HYAL4: variants seen among roughly 807,000 people sequenced by gnomAD.
HYAL4 encodes the protein hyaluronidase-4.
A neutral mutation model predicts 35.2 loss-of-function variants in HYAL4; 37 were observed. The observed-to-expected ratio is 1.05, with a 90% CI of 0.81 to 1.38. The LOEUF is 1.38. Among genes scored for constraint, HYAL4 ranks in the 40% most tolerant of loss-of-function variants. The pLI is 0.00. For synonymous variants in HYAL4, 198 were observed against 203.2 expected, an observed-to-expected ratio of 0.97 and a Z score of 0.22; for missense variants, 572 against 572.4, an observed-to-expected ratio of 1.00 and a Z score of 0.01.
the HYAL4 span, chr7:123,819,266 T>C: frequency 2.0e-5 from 3 of 152,590 alleles, no homozygotes; most frequent in African/African-American, 4.8e-5. Flanking sequence ...AGTTGAGGGA[T>C]TGAGTCTTAT....
chr7:123,822,029 A>C, the HYAL4 span, among the ~76,000 whole-genome samples: 1 of 152,244 alleles, frequency 6.6e-6, no homozygotes, highest in African/African-American at 2.4e-5. Flanking sequence ...CCAGAAACAT[A>C]GTGTTTTAAT....
At chr7:123,827,948 C>T (rs1227302084), upstream of HYAL4, among the ~76,000 whole-genome samples, 5 of 152,150 alleles carry the variant, frequency 3.3e-5, no homozygotes, top group Admixed American at 6.6e-5. Context: ...CTGTATGGAT[C>T]AAGGCAGACA....
intron 3 of HYAL4, 43 bp downstream of exon 3, chr7:123,869,270 C>T (rs774915505): frequency 8.8e-6 from 11 of 1,250,054 alleles, no homozygotes; most frequent in Non-Finnish European, 1.2e-5. Flanking sequence ...TCCTCCTTAT[C>T]TCTAAAAGGA....
chr7:123,767,391 T>A, the HYAL4 span, among the ~76,000 whole-genome samples: 6 of 152,176 alleles, frequency 3.9e-5, no homozygotes, highest in African/African-American at 1.4e-4. Context: ...AAGATAGACC[T>A]CTTCAGGCTT....
the HYAL4 span, among the ~76,000 whole-genome samples, chr7:123,810,138 C>G: frequency 6.6e-6 from 1 of 152,180 alleles, no homozygotes; most frequent in South Asian, 2.1e-4. Context: ...TTGCCAAGTG[C>G]TTTTCCCCAA....
chr7:123,847,516 G>T (rs890010025), intron 1 of HYAL4, among the ~76,000 whole-genome samples: 1 of 152,000 alleles, frequency 6.6e-6, no homozygotes. Flanking sequence ...GGTGGTTTAC[G>T]CCTGTAATCC....
intron 3 of HYAL4, among the ~76,000 whole-genome samples, chr7:123,869,669 A>G (rs1563004362): frequency 6.7e-6 from 1 of 150,204 alleles, no homozygotes; most frequent in African/African-American, 2.4e-5. Flanking sequence ...AGTAGTGGGT[A>G]TTTTAATCTT....
the HYAL4 span, among the ~76,000 whole-genome samples, chr7:123,807,937 T>TTATTAC: frequency 6.8e-6 from 1 of 146,604 alleles, no homozygotes; most frequent in African/African-American, 2.5e-5. Flanking sequence ...ATTATTATTA[T>TTATTAC]TATTATTATT....
rs1807047028 is a variant in HYAL4, at chr7:123,877,051, G to A, written c.1342G>A (p.Glu448Lys). 1 of 1,614,212 alleles carries A rather than the reference G, an allele frequency of 6.2e-7. No homozygotes were observed. The highest frequency in any genetic ancestry group is 2.2e-5 in the East Asian group (1 of 44,890). ...GGGATATGAAGGAGCTGATTGCAGA[G>A]AAATAAAGACGGCTGATGGCTGCTC... ...YQGYEGADCREIKTADGCSGV... is the reference protein window; with the variant it reads ...YQGYEGADCRKIKTADGCSGV... The change falls in exon 5 of 5, where the codon GAA (glutamate) becomes AAA (lysine). Residue 448 changes from glutamate (E) to lysine (K), a missense_variant. Transcript: ENST00000223026.
the HYAL4 span, among the ~76,000 whole-genome samples, chr7:123,815,453 G>A: frequency 1.3e-5 from 2 of 152,204 alleles, no homozygotes; most frequent in Non-Finnish European, 2.9e-5. Flanking sequence ...TCATTATATT[G>A]CATTTGTATG....
chr7:123,819,035 T>G, the HYAL4 span, among the ~76,000 whole-genome samples: 1 of 152,192 alleles, frequency 6.6e-6, no homozygotes, highest in Non-Finnish European at 1.5e-5. Flanking sequence ...CTTGAACTTA[T>G]TCCTCCTATC....
At chr7:123,871,193 A>ATT (rs534769179) in intron 3 of HYAL4, among the ~76,000 whole-genome samples, 3 of 134,812 alleles carry the variant, frequency 2.2e-5, no homozygotes, top group Admixed American at 1.5e-4. Flanking sequence ...TCTGCCCATG[A>ATT]TTTTTTTTTT....
At chr7:123,788,914 C>T in the HYAL4 span, among the ~76,000 whole-genome samples, 2 of 152,188 alleles carry the variant, frequency 1.3e-5, no homozygotes, top group Non-Finnish European at 2.9e-5. Flanking sequence ...AAGCCCCATG[C>T]TGCTGCTTTT....
At chr7:123,782,666 A>G in the HYAL4 span, among the ~76,000 whole-genome samples, 8 of 152,184 alleles carry the variant, frequency 5.3e-5, no homozygotes, top group South Asian at 1.7e-3. Flanking sequence ...AGTAAGTTTC[A>G]TGGTTCACCT....
intron 1 of HYAL4, among the ~76,000 whole-genome samples, chr7:123,832,924 C>G (rs1805907749): frequency 6.6e-6 from 1 of 152,124 alleles, no homozygotes; most frequent in Admixed American, 6.5e-5. Flanking sequence ...GTTGCGAATG[C>G]CATTAGTTCA....
the HYAL4 span, among the ~76,000 whole-genome samples, chr7:123,771,066 T>A: frequency 6.6e-6 from 1 of 152,066 alleles, no homozygotes; most frequent in East Asian, 1.9e-4. Context: ...TAGAAGAAGA[T>A]AAAAAGTCCA....
intron 1 of HYAL4, among the ~76,000 whole-genome samples, chr7:123,847,888 A>G (rs1806210409): frequency 6.6e-6 from 1 of 152,190 alleles, no homozygotes; most frequent in Non-Finnish European, 1.5e-5. Context: ...CTTATTTTCC[A>G]GCTAAAGAGT....
At chr7:123,875,930 T>C in intron 4 of HYAL4, 1 of 426,584 alleles carries the variant, frequency 2.3e-6, no homozygotes, top group African/African-American at 2.0e-5. Context: ...AGTCTCAATT[T>C]GTTGCTACTG....
At chr7:123,840,126 A>C (rs557080326), upstream of HYAL4, among the ~76,000 whole-genome samples, 15 of 152,304 alleles carry the variant, frequency 9.8e-5, no homozygotes, top group South Asian at 2.9e-3. Context: ...TTTAGGTCTA[A>C]CATTTAACCT....
Sources: allele counts gnomAD v4.1 joint callset (sites outside exome capture counted in the v4.1 genomes callset), GRCh38; gene constraint gnomAD v4.1.1; transcripts MANE v1.5; gene names NCBI Gene and HGNC (gene_info 2026-07-23, HGNC 2026-07-21).